Variants in FPR1 observed in about 807,000 individuals in gnomAD.
FPR1 encodes the protein formyl peptide receptor 1.
For missense variants in FPR1, 407 were observed against 453.0 expected, an observed-to-expected ratio of 0.90 and a Z score of 0.92; for synonymous variants, 193 against 176.7, an observed-to-expected ratio of 1.09 and a Z score of -0.73.
At position 51,746,705 on chromosome 19, in the gene FPR1, A is replaced by G; in HGVS notation, c.290T>C (p.Leu97Pro). ...MGGHWPFGWF[L>P]CKFVFTIVDI... ...CACTATGGTAAAGACGAATTTGCAC[A>G]GGAACCAGCCGAAAGGCCAATGTCC... The change falls in exon 2 of 2, where the codon CTG becomes CCG. Residue 97 changes from leucine to proline, a missense_variant. Leu to Pro is a moderately conservative substitution (Grantham distance 98, BLOSUM62 -3). Transcript: ENST00000304748. This position sits in a 1 kb window ranked among gnomAD's most constrained non-coding sequence, Gnocchi z 4.3. 1 of 1,614,214 alleles carries G rather than the reference A, an allele frequency of 6.2e-7. No homozygotes were observed. Among genetic ancestry groups the G allele is most frequent in the South Asian group, 1.1e-5 (1 of 91,082 alleles).
At chr19:51,747,380 G>T (rs955691194) in intron 1 of FPR1, among the ~76,000 whole-genome samples, 1 of 151,978 alleles carries the variant, frequency 6.6e-6, no homozygotes, top group Non-Finnish European at 1.5e-5. Context: ...CCCACTCCTG[G>T]CTAATTTTCG....
At chr19:51,750,380 G>A (rs541173812) in intron 1 of FPR1, 5 of 152,262 alleles carry the variant, frequency 3.3e-5, no homozygotes, top group Non-Finnish European at 5.9e-5. Context: ...TTAAGTTTAG[G>A]TTAGATATTT....
chr19:51,750,599 T>A (rs553880193), intron 1 of FPR1: 5 of 152,318 alleles, frequency 3.3e-5, no homozygotes, highest in African/African-American at 1.2e-4. Context: ...AGGCAACCAG[T>A]TCAGAAGATT....
chr19:51,747,028 A>G (rs368617289), intron 1 of FPR1, 23 bp from the exon 2 acceptor site: 1 of 1,529,334 alleles, frequency 6.5e-7, no homozygotes, highest in African/African-American at 1.4e-5. Flanking sequence ...AGTCGTGGTC[A>G]TTCCTCAGTT....
chr19:51,750,732 C>CT (rs2083775304), intron 1 of FPR1: 1 of 152,200 alleles, frequency 6.6e-6, no homozygotes, highest in South Asian at 2.1e-4. Flanking sequence ...GAACACAGGC[C>CT]TTGGTGGCTG....
chr19:51,750,353 GATA>G (rs1363859330), intron 1 of FPR1: 1 of 152,174 alleles, frequency 6.6e-6, no homozygotes, highest in Non-Finnish European at 1.5e-5. Flanking sequence ...ATGTTAAAAT[GATA>G]ATAATTTGGC....
rs1458825067 is a variant in FPR1 at position 51,746,587 on chromosome 19, G to A, written c.408C>T (p.His136=). Residue 136 remains histidine (H), a synonymous_variant, in exon 2 of 2, where the codon CAC becomes CAT. Transcript: ENST00000304748. This position sits in a 1 kb window ranked among gnomAD's most constrained non-coding sequence, Gnocchi z 4.3. ...CCTTCTTGGCCAGGCTCACGGTGCGGTGGTTCTGGGTCCAGACTGGATGCA... is the reference window on the plus strand; with the variant it reads ...CCTTCTTGGCCAGGCTCACGGTGCGATGGTTCTGGGTCCAGACTGGATGCA... ...CVLHPVWTQN[H]RTVSLAKKVI... is the part of the protein sequence containing the mutation. 3 of 1,614,100 alleles carry A rather than the reference G, an allele frequency of 1.9e-6. No homozygotes were observed. The highest frequency in any genetic ancestry group is 1.7e-5 in the Admixed American group (1 of 60,002).
Position 51,746,470 on chromosome 19 carries a change from G to C in FPR1, c.525C>G (p.Ala175=). ...TTVPGKTGTV[A]CTFNFSPWTN... ...TCCAGGGCGAAAAGTTAAAAGTGCAGGCTACTGTCCCCGTTTTACCAGGTA... is the reference window on the plus strand; with the variant it reads ...TCCAGGGCGAAAAGTTAAAAGTGCACGCTACTGTCCCCGTTTTACCAGGTA... Residue 175 remains alanine, a synonymous_variant, in exon 2 of 2, where the codon GCC becomes GCG. Coordinates refer to ENST00000304748, the MANE Select transcript of FPR1 (RefSeq NM_002029.4). This position sits in a 1 kb window ranked among gnomAD's most constrained non-coding sequence, Gnocchi z 4.3. The C allele has an allele frequency of 6.2e-7, 1 of 1,614,130 alleles. No homozygotes were observed. The highest frequency in any genetic ancestry group is 8.5e-7 in the Non-Finnish European group (1 of 1,180,026).
intron 1 of FPR1, among the ~76,000 whole-genome samples, chr19:51,749,412 T>G (rs1194869335): frequency 6.6e-6 from 1 of 152,118 alleles, no homozygotes; most frequent in Non-Finnish European, 1.5e-5. Flanking sequence ...ATGGATTCTG[T>G]GCTAGAAGAA....
chr19:51,750,544 A>T (rs1475870055), intron 1 of FPR1: 1 of 152,132 alleles, frequency 6.6e-6, no homozygotes, highest in Non-Finnish European at 1.5e-5. Context: ...CCACCCATCC[A>T]ACCACCAAAA....
In FPR1 at chr19:51,745,810, C is replaced by T. The variant is rs2083738417; in HGVS notation, c.*132G>A. ...TGTTTATTCTCCCCAAATCAGGGGA[C>T]ACAAAGGCTTTTTTTTTTTTTTCTG... On this transcript the variant is annotated 3_prime_UTR_variant, in exon 2 of 2. Transcript: ENST00000304748. 2 of 709,148 alleles carry T rather than the reference C, an allele frequency of 2.8e-6. No individual in the cohort carries two copies. Among genetic ancestry groups the T allele is most frequent in the East Asian group, 5.1e-5 (2 of 38,892 alleles). 43.9% of individuals were successfully genotyped at this position (709,148 alleles called of 1,614,324 possible). A position where few individuals can be genotyped will look rare whatever the true frequency, so the allele number is the denominator to read the frequency against.
rs199534146 is a variant in FPR1 at position 51,746,790 on chromosome 19, C to A, written c.205G>T (p.Val69Leu). The A allele has an allele frequency of 6.2e-7, 1 of 1,614,140 alleles. No homozygotes were observed. Residue 69 changes from valine to leucine, a missense_variant, in exon 2 of 2, where the codon GTG (valine) becomes TTG (leucine). Physicochemically the swap from Val to Leu is conservative, Grantham distance 32. Coordinates refer to ENST00000304748, the MANE Select transcript of FPR1 (RefSeq NM_002029.4). The surrounding 1 kb of genome is among the most constrained non-coding windows in gnomAD (Gnocchi z 4.3). ...GTGGAGGTGAAACAGAAGTCAGCCA[C>A]GGCCAGGTTCAGGTAACTGATGGTG... ...VTTISYLNLAVADFCFTSTLP... is the reference protein window; with the variant it reads ...VTTISYLNLALADFCFTSTLP...
intron 1 of FPR1, among the ~76,000 whole-genome samples, chr19:51,748,952 C>T (rs2083764305): frequency 6.6e-6 from 1 of 152,118 alleles, no homozygotes. Flanking sequence ...CGCAGTGGCT[C>T]ACGCCTGTAA....
chr19:51,748,402 A>G (rs2083761099), intron 1 of FPR1, among the ~76,000 whole-genome samples: 2 of 152,228 alleles, frequency 1.3e-5, no homozygotes, highest in Non-Finnish European at 2.9e-5. Flanking sequence ...GATAATGGTT[A>G]TGGTTGCAAC....
chr19:51,746,751 T>C lies in FPR1; in HGVS notation c.244A>G (p.Met82Val), dbSNP rs1463080612. 6 of 1,613,980 alleles carry C rather than the reference T, an allele frequency of 3.7e-6. No homozygotes were observed. The highest frequency in any genetic ancestry group is 5.1e-6 in the Non-Finnish European group (6 of 1,180,024). Residue 82 changes from methionine (M) to valine (V), a missense_variant, in exon 2 of 2, where the codon ATG (methionine) becomes GTG (valine). Physicochemically the swap from Met to Val is conservative, Grantham distance 21 (BLOSUM62 1). Transcript: ENST00000304748. The surrounding 1 kb of genome is among the most constrained non-coding windows in gnomAD (Gnocchi z 4.3). ...FCFTSTLPFF[M>V]VRKAMGGHWP... ...TGTCCTCCCATGGCCTTCCTGACCATGAAGAATGGCAAAGTGGAGGTGAAA... is the reference window on the plus strand; with the variant it reads ...TGTCCTCCCATGGCCTTCCTGACCACGAAGAATGGCAAAGTGGAGGTGAAA...
At chr19:51,748,374 TA>T (rs2083760964) in intron 1 of FPR1, among the ~76,000 whole-genome samples, 1 of 152,216 alleles carries the variant, frequency 6.6e-6, no homozygotes, top group African/African-American at 2.4e-5. Flanking sequence ...TTGGTGTGAT[TA>T]AAAAGTTCTG....
chr19:51,745,660 G>C (rs2083737779), downstream of FPR1: 1 of 386,562 alleles, frequency 2.6e-6, no homozygotes, highest in Non-Finnish European at 4.8e-6. Context: ...ATAATAATGG[G>C]TATTATTTGG....
chr19:51,750,461 T>A (rs1295454584), intron 1 of FPR1, among the ~76,000 whole-genome samples: 3 of 152,210 alleles, frequency 2.0e-5, no homozygotes, highest in African/African-American at 7.2e-5. Context: ...AAATTACATA[T>A]GTGTCTCACA....
In FPR1 at chr19:51,746,616, C is replaced by A. The variant is rs186613919; in HGVS notation, c.379G>T (p.Val127Phe). The change falls in exon 2 of 2, where the codon GTC becomes TTC. Residue 127 changes from valine (V) to phenylalanine (F), a missense_variant. Val to Phe is a conservative substitution (Grantham distance 50). Transcript: ENST00000304748. This position sits in a 1 kb window ranked among gnomAD's most constrained non-coding sequence, Gnocchi z 4.3. ...TTCTGGGTCCAGACTGGATGCAGGACGCAAACACAGCGGTCCAGAGCAATG... is the reference window on the plus strand; with the variant it reads ...TTCTGGGTCCAGACTGGATGCAGGAAGCAAACACAGCGGTCCAGAGCAATG... ...ALIALDRCVC[V>F]LHPVWTQNHR... is the part of the protein sequence containing the mutation. The A allele has an allele frequency of 1.2e-6, 2 of 1,614,090 alleles. No individual in the cohort carries two copies. The highest frequency in any genetic ancestry group is 1.1e-5 in the South Asian group (1 of 91,080).
Sources: gnomAD v4.1 joint callset for allele counts (sites outside exome capture counted in the v4.1 genomes callset) on GRCh38, gnomAD v4.1.1 for gene constraint, Gnocchi (gnomAD v3.1) non-coding constraint, MANE v1.5 for transcripts, NCBI Gene and HGNC (gene_info 2026-07-23, HGNC 2026-07-21) for gene names.